The following NEK11 variants were observed in gnomAD, a reference collection of about 807,000 sequenced individuals.
The protein encoded by NEK11 is NIMA related kinase 11, also known as serine/threonine-protein kinase Nek11.
Under a neutral mutation model 80.7 loss-of-function variants are expected in NEK11, and 72 were observed. The ratio of observed to expected loss-of-function variants is 0.89; its 90% CI spans 0.74 to 1.08. NEK11 has a LOEUF of 1.08. Among genes scored for constraint, NEK11 ranks in the 50% least tolerant of loss-of-function variants. The probability of loss-of-function intolerance (pLI) is 0.00; values close to 1 mark genes in which losing one functional copy is unlikely to be tolerated. For missense variants in NEK11, 764 were observed against 763.6 expected (o/e 1.00, Z -0.01); for synonymous variants, 251 against 260.7 (o/e 0.96, Z 0.36).
intron 14 of NEK11, among the ~76,000 whole-genome samples, chr3:131,197,866 T>A (rs950669419): frequency 3.9e-5 from 6 of 152,118 alleles, no homozygotes; most frequent in Non-Finnish European, 8.8e-5. Context: ...TCTTTTGACT[T>A]CAATATCTGC....
In NEK11 at chr3:131,124,533, G is replaced by A. The variant is rs2082954813; in HGVS notation, c.456-8212G>A. ...ACTTCCTTTACCTAACAGGTCTGAG[G>A]AGGGCTGAGCCTCCCCAGAGGCTCA... On this transcript the variant is annotated intron_variant, in intron 5 of 17. Transcript: ENST00000383366. 2.0e-5 allele frequency among the ~76,000 whole-genome samples: 3 copies of A among 152,138 alleles called. No individual in the cohort carries two copies. In the South Asian group the frequency reaches 6.3e-4, roughly 32 times the overall value.
At chr3:131,335,023 C>T (rs955207035) in intron 17 of NEK11, among the ~76,000 whole-genome samples, 56 of 152,106 alleles carry the variant, frequency 3.7e-4, no homozygotes, top group African/African-American at 1.2e-3. Context: ...GATTCACAGC[C>T]GAATTCTACC....
intron 17 of NEK11, among the ~76,000 whole-genome samples, chr3:131,286,812 CA>C (rs969563397): frequency 6.6e-6 from 1 of 151,968 alleles, no homozygotes; most frequent in East Asian, 1.9e-4. Context: ...AAGATATTGA[CA>C]AAAAAAATTT....
chr3:131,152,727 G>A lies in NEK11; in HGVS notation c.876+18G>A. The A allele has an allele frequency of 6.4e-7, 1 of 1,559,572 alleles. No homozygotes were observed. The highest frequency in any genetic ancestry group is 8.8e-7 in the Non-Finnish European group (1 of 1,133,010). The stretch of plus-strand genomic sequence containing the variant: ...AGCTACAGGTATTTAAAATGAAAGG[G>A]ATTCTGGGAAACAGGTATGAGCATT... On this transcript the variant is annotated intron_variant, in intron 9 of 17. Transcript: ENST00000383366.
chr3:131,151,232 C>G (rs1436586019), intron 7 of NEK11, among the ~76,000 whole-genome samples: 2 of 151,928 alleles, frequency 1.3e-5, no homozygotes, highest in African/African-American at 4.8e-5. Context: ...AGCCAATTTT[C>G]AATCTATAAA....
At chr3:131,202,450 A>C (rs1277809419) in intron 14 of NEK11, among the ~76,000 whole-genome samples, 2 of 152,176 alleles carry the variant, frequency 1.3e-5, no homozygotes, top group African/African-American at 2.4e-5. Flanking sequence ...TATATCCAGC[A>C]CCTGGCTCAG....
At chr3:131,031,065 T>C (rs144751877) in intron 3 of NEK11, among the ~76,000 whole-genome samples, 14 of 152,280 alleles carry the variant, frequency 9.2e-5, no homozygotes, top group African/African-American at 3.1e-4. Context: ...TATTTAAGAG[T>C]GGATTTAAAA....
chr3:131,255,130 G>GAAAGAAAGAA (rs1561223084), intron 16 of NEK11, among the ~76,000 whole-genome samples: 13 of 125,972 alleles, frequency 1.0e-4, no homozygotes, highest in East Asian at 4.8e-4. Flanking sequence ...GAAAGAAAGA[G>GAAAGAAAGAA]AGAAAGAACA....
chr3:131,029,975 C>A, intron 3 of NEK11, 97 bp downstream of exon 3: 1 of 1,163,666 alleles, frequency 8.6e-7, no homozygotes, highest in Non-Finnish European at 1.3e-6. Flanking sequence ...TATGGTGGCT[C>A]ATGCCTGTAA....
chr3:131,134,398 G>GA (rs1390502575), intron 7 of NEK11: 1 of 142,170 alleles, frequency 7.0e-6, no homozygotes, highest in Non-Finnish European at 1.5e-5. Flanking sequence ...TGGCTTTAAG[G>GA]ATAAACTATT....
At chr3:131,306,953 G>GCCATGACTCCATGGATTTGCCT (rs2096729737) in intron 17 of NEK11, among the ~76,000 whole-genome samples, 1 of 152,136 alleles carries the variant, frequency 6.6e-6, no homozygotes, top group South Asian at 2.1e-4. Flanking sequence ...CCTCTGGTAA[G>GCCATGACTCCATGGATTTGCCT]CCATGACTCC....
intron 16 of NEK11, among the ~76,000 whole-genome samples, chr3:131,272,371 A>T: frequency 6.6e-6 from 1 of 150,988 alleles, no homozygotes; most frequent in East Asian, 1.9e-4. Flanking sequence ...CTCTGCTCCC[A>T]GTTCCAGGGA....
intron 3 of NEK11, among the ~76,000 whole-genome samples, chr3:131,058,362 G>C (rs2070069688): frequency 1.3e-5 from 2 of 152,136 alleles, no homozygotes; most frequent in African/African-American, 4.8e-5. Context: ...GGACTGACTT[G>C]GCGATGCGGG....
intron 4 of NEK11, among the ~76,000 whole-genome samples, chr3:131,105,689 A>G (rs540032488): frequency 1.5e-4 from 23 of 152,314 alleles, no homozygotes; most frequent in African/African-American, 5.5e-4. Flanking sequence ...CTGTCATGAG[A>G]ACAGCATGGG....
chr3:131,285,728 C>T (rs2096462420), intron 17 of NEK11, among the ~76,000 whole-genome samples: 1 of 152,222 alleles, frequency 6.6e-6, no homozygotes, highest in Non-Finnish European at 1.5e-5. Context: ...TCTTTCTTCA[C>T]AAAAGTCATC....
intron 14 of NEK11, among the ~76,000 whole-genome samples, chr3:131,172,951 C>G (rs184198994): frequency 6.6e-6 from 1 of 152,288 alleles, no homozygotes; most frequent in East Asian, 1.9e-4. Context: ...CATTAGCATG[C>G]TAAAAGACAC....
chr3:131,108,572 A>G (rs1169201058), intron 4 of NEK11, among the ~76,000 whole-genome samples: 7 of 152,220 alleles, frequency 4.6e-5, no homozygotes, highest in Middle Eastern at 3.4e-3. Flanking sequence ...TGACATTTTT[A>G]TTTTTATAGC....
Position 131,144,348 on chromosome 3 carries a change from T to C in NEK11, c.648-8040T>C, listed in dbSNP as rs2149723791. 2.0e-5 allele frequency among the ~76,000 whole-genome samples: 3 copies of C among 152,286 alleles called. No individual in the cohort carries two copies. The South Asian group carries it at 6.2e-4, about 32-fold the overall frequency. ...GAAAGAAATGCAAATTGTAGACTTC[T>C]AAGTAAAATACACATCTCACTTGTT... On this transcript the variant is annotated intron_variant, in intron 7 of 17. Coordinates refer to ENST00000383366, the MANE Select transcript of NEK11 (RefSeq NM_024800.5).
At chr3:131,222,010 G>C (rs559285264) in intron 14 of NEK11, among the ~76,000 whole-genome samples, 1 of 152,032 alleles carries the variant, frequency 6.6e-6, no homozygotes, top group African/African-American at 2.4e-5. Context: ...GGCTGAATCT[G>C]ATTCTCCCAG....
Sources: allele counts gnomAD v4.1 joint callset (sites outside exome capture counted in the v4.1 genomes callset), GRCh38; gene constraint gnomAD v4.1.1; transcripts MANE v1.5; gene names NCBI Gene and HGNC (gene_info 2026-07-23, HGNC 2026-07-21).